The following TERF1 variants were observed in gnomAD, a reference collection of about 807,000 sequenced individuals.
TERF1 encodes telomeric repeat-binding factor 1.
In TERF1, 20 loss-of-function variants were observed where a neutral mutation model predicts 55.1. That is an observed-to-expected ratio of 0.36 (90% confidence interval 0.26 to 0.53). The LOEUF (loss-of-function observed/expected upper bound fraction) is 0.53. Ranked by LOEUF, TERF1 falls within the 20% of genes least tolerant of loss-of-function variation. The pLI, the probability that TERF1 is intolerant of heterozygous loss-of-function variation, is 0.91. For missense variants in TERF1, 439 were observed against 535.7 expected, an observed-to-expected ratio of 0.82 and a Z score of 1.78; for synonymous variants, 168 against 181.2, an observed-to-expected ratio of 0.93 and a Z score of 0.59.
chr8:73,036,838 T>C (rs922719840), intron 8 of TERF1, among the ~76,000 whole-genome samples: 1 of 144,458 alleles, frequency 6.9e-6, no homozygotes, highest in Non-Finnish European at 1.5e-5. Context: ...ATATATATAA[T>C]ATATATTTAT....
intron 8 of TERF1, among the ~76,000 whole-genome samples, chr8:73,037,409 A>G (rs889746480): frequency 7.6e-6 from 1 of 131,508 alleles, no homozygotes; most frequent in African/African-American, 2.9e-5. Flanking sequence ...GGGGGAAAAT[A>G]CATATAAATT....
intron 9 of TERF1, among the ~76,000 whole-genome samples, chr8:73,040,682 A>G (rs148674132): frequency 6.6e-6 from 1 of 152,096 alleles, no homozygotes; most frequent in East Asian, 1.9e-4. Context: ...TATTACTTCA[A>G]ATCTTTCTTT....
At chr8:73,035,435 A>G (rs1809471356) in intron 8 of TERF1, among the ~76,000 whole-genome samples, 1 of 147,196 alleles carries the variant, frequency 6.8e-6, no homozygotes, top group African/African-American at 2.5e-5. Context: ...TTTTTTTTTT[A>G]AGATTTGTTT....
intron 1 of TERF1, chr8:73,012,013 C>A (rs906003369): frequency 1.3e-5 from 2 of 152,218 alleles, no homozygotes; most frequent in African/African-American, 4.8e-5. Context: ...ATCCTTTCCT[C>A]ACTAAGCTTA....
intron 7 of TERF1, 168 bp from the exon 8 acceptor site, chr8:73,031,874 T>C (rs1809301239): frequency 4.8e-6 from 2 of 412,620 alleles, no homozygotes; most frequent in Non-Finnish European, 8.6e-6. Flanking sequence ...ACAGAAATCT[T>C]AAGAGGCCAC....
chr8:73,012,344 A>G (rs1407425692), intron 1 of TERF1: 1 of 152,250 alleles, frequency 6.6e-6, no homozygotes, highest in East Asian at 1.9e-4. Flanking sequence ...AAATATTGCA[A>G]GAATTATCAA....
At position 73,015,312 on chromosome 8, in the gene TERF1, C is replaced by CTT. The variant is rs5892387; in HGVS notation, c.415+1339_415+1340dup. 6.8e-3 allele frequency among the ~76,000 whole-genome samples: 900 copies of CTT among 131,688 alleles called. 6 individuals carry two copies. The highest frequency in any genetic ancestry group is 0.023 in the African/African-American group (801 of 35,566). 86.4% of individuals were successfully genotyped at this position (131,688 alleles called of 152,430 possible). ...TTTTTGGCTATACATAACCCTTTTG[C>CTT]TTTTTTTTTTTTTTTTTTAATTTTG... is the stretch of plus-strand genomic sequence containing the variant. On this transcript the variant is annotated intron_variant, in intron 2 of 9. Coordinates refer to ENST00000276603, the MANE Select transcript of TERF1 (RefSeq NM_017489.3).
At chr8:73,030,768 C>G (rs181347745) in intron 7 of TERF1, 93 of 163,002 alleles carry the variant, frequency 5.7e-4, no homozygotes, top group African/African-American at 2.1e-3. Context: ...ATGAAAGTTA[C>G]TTGAAAAACT....
At chr8:73,029,207 A>G (rs1202174001) in intron 6 of TERF1, among the ~76,000 whole-genome samples, 1 of 152,232 alleles carries the variant, frequency 6.6e-6, no homozygotes, top group Non-Finnish European at 1.5e-5. Context: ...TGAAGACTAG[A>G]TGAAATAAAT....
At chr8:73,027,097 T>TCTG in intron 6 of TERF1, 45 bp downstream of exon 6, 1 of 1,361,306 alleles carries the variant, frequency 7.3e-7, no homozygotes, top group South Asian at 1.3e-5. Context: ...TTATGAATGT[T>TCTG]CTGTCTTTAT....
At chr8:73,025,353 G>C (rs900155038) in intron 5 of TERF1, among the ~76,000 whole-genome samples, 1 of 152,132 alleles carries the variant, frequency 6.6e-6, no homozygotes, top group South Asian at 2.1e-4. Flanking sequence ...TAGGCCAGGC[G>C]CGGTGGCTCA....
In TERF1 at chr8:73,042,587, T is replaced by C. The variant is rs56273477; in HGVS notation, c.1143+3368T>C. ...AAAGAGCCCTCCTTTTATAAACTTA[T>C]TCCATTAAAGAAGAAAAGTAAATGC... On this transcript the variant is annotated intron_variant, in intron 9 of 9. Transcript: ENST00000276603. 4.7e-4 allele frequency among the ~76,000 whole-genome samples: 72 copies of C among 152,322 alleles called. No homozygotes were observed. In the East Asian group the frequency reaches 0.014, roughly 29 times the overall value.
At chr8:73,028,571 A>ATTTTTTTTTTTTTTTTTTTTTTTTTTT (rs59423351) in intron 6 of TERF1, among the ~76,000 whole-genome samples, 2 of 104,426 alleles carry the variant, frequency 1.9e-5, no homozygotes, top group Non-Finnish European at 3.6e-5. Context: ...ACGTAGACCC[A>ATTTTTTTTTTTTTTTTTTTTTTTTTTT]TTTTTTTTTT....
At chr8:73,029,424 A>C (rs1809179877) in intron 6 of TERF1, among the ~76,000 whole-genome samples, 1 of 152,088 alleles carries the variant, frequency 6.6e-6, no homozygotes, top group African/African-American at 2.4e-5. Flanking sequence ...CAGGAGTTTG[A>C]GACCAGCCTA....
intron 6 of TERF1, among the ~76,000 whole-genome samples, chr8:73,029,508 T>TA (rs1777960378): frequency 6.6e-6 from 1 of 151,970 alleles, no homozygotes; most frequent in South Asian, 2.1e-4. Context: ...GCCAACTACT[T>TA]AAGAGGCTTA....
chr8:73,015,165 T>C (rs1320238817), intron 2 of TERF1, among the ~76,000 whole-genome samples: 16 of 152,092 alleles, frequency 1.1e-4, no homozygotes. Flanking sequence ...AATCTTGGAA[T>C]TTACCAGGAT....
At chr8:73,025,463 A>T (rs541206194) in intron 5 of TERF1, among the ~76,000 whole-genome samples, 1 of 150,734 alleles carries the variant, frequency 6.6e-6, no homozygotes, top group African/African-American at 2.4e-5. Context: ...ATACAAAAAA[A>T]TTAGCTGGGC....
chr8:73,013,712 G>T, intron 1 of TERF1, 183 bp from the exon 2 acceptor site: 1 of 555,918 alleles, frequency 1.8e-6, no homozygotes, highest in Non-Finnish European at 3.2e-6. Context: ...GTTATATTTT[G>T]TAAGAAATGT....
intron 7 of TERF1, 85 bp downstream of exon 7, chr8:73,030,480 A>ACCAC: frequency 1.2e-6 from 1 of 805,970 alleles, no homozygotes; most frequent in Non-Finnish European, 1.8e-6. Context: ...ACTACCACAT[A>ACCAC]AATGGTACAA....
Sources: allele counts gnomAD v4.1 joint callset (sites outside exome capture counted in the v4.1 genomes callset), GRCh38; gene constraint gnomAD v4.1.1; transcripts MANE v1.5; gene names NCBI Gene and HGNC (gene_info 2026-07-23, HGNC 2026-07-21).